Variants in CNTLN observed in about 807,000 individuals in gnomAD.
CNTLN encodes centlein, also known as centlein, centrosomal protein.
CNTLN carries 212 observed loss-of-function variants against 180.0 expected under a neutral mutation model. The observed-to-expected ratio is 1.18, with a 90% CI of 1.05 to 1.32. The LOEUF (loss-of-function observed/expected upper bound fraction) is 1.32, where lower values mean the gene tolerates loss of function less well. Ranked by LOEUF, CNTLN falls within the 40% of genes most tolerant of loss-of-function variation. The pLI is 0.00. For synonymous variants in CNTLN, 722 were observed against 563.1 expected, an observed-to-expected ratio of 1.28 and a Z score of -3.99; for missense variants, 2,095 against 1,610.9, an observed-to-expected ratio of 1.30 and a Z score of -5.14.
chr9:17,226,565 C>T (rs189972809), intron 3 of CNTLN, among the ~76,000 whole-genome samples: 3 of 151,878 alleles, frequency 2.0e-5, no homozygotes, highest in Admixed American at 2.0e-4. Context: ...TGAATTTTGA[C>T]ATTATTAGCA....
At chr9:17,225,879 G>A (rs937681516) in intron 2 of CNTLN, among the ~76,000 whole-genome samples, 2 of 151,828 alleles carry the variant, frequency 1.3e-5, no homozygotes. Context: ...TAATATAATT[G>A]TGTATATGAA....
At chr9:17,382,480 TAAAGGCA>T (rs985076825) in intron 13 of CNTLN, among the ~76,000 whole-genome samples, 1 of 152,172 alleles carries the variant, frequency 6.6e-6, no homozygotes, top group African/African-American at 2.4e-5. Flanking sequence ...TTTTCTCCAA[TAAAGGCA>T]AAAACTTTTC....
At chr9:17,359,472 A>G (rs923739635) in intron 12 of CNTLN, among the ~76,000 whole-genome samples, 1 of 152,042 alleles carries the variant, frequency 6.6e-6, no homozygotes, top group African/African-American at 2.4e-5. Flanking sequence ...TTCAGTATAT[A>G]TGTCCAGGAA....
chr9:17,375,289 A>G (rs1332848871), intron 13 of CNTLN, among the ~76,000 whole-genome samples: 1 of 152,198 alleles, frequency 6.6e-6, no homozygotes, highest in African/African-American at 2.4e-5. Flanking sequence ...AGTTGGAGGA[A>G]GTGGGAATAA....
intron 5 of CNTLN, among the ~76,000 whole-genome samples, chr9:17,262,352 A>G (rs925157359): frequency 6.6e-6 from 1 of 151,540 alleles, no homozygotes; most frequent in Non-Finnish European, 1.5e-5. Flanking sequence ...TAGACTGGAT[A>G]AAGAAAATGT....
At chr9:17,178,252 G>A (rs574558074) in intron 2 of CNTLN, among the ~76,000 whole-genome samples, 4 of 152,306 alleles carry the variant, frequency 2.6e-5, no homozygotes, top group Admixed American at 2.6e-4. Context: ...CAAACCTTGA[G>A]CTAGATTCAG....
chr9:17,513,294 CA>C, the CNTLN span, among the ~76,000 whole-genome samples: 3 of 149,304 alleles, frequency 2.0e-5, no homozygotes, highest in African/African-American at 7.4e-5. Flanking sequence ...TTTTTTAATC[CA>C]AAAACCTATG....
chr9:17,473,358 A>G (rs1255896713), intron 23 of CNTLN, among the ~76,000 whole-genome samples: 1 of 151,560 alleles, frequency 6.6e-6, no homozygotes, highest in Non-Finnish European at 1.5e-5. Context: ...CCTTTTTTTC[A>G]TTACCTTTAT....
intron 7 of CNTLN, among the ~76,000 whole-genome samples, chr9:17,307,318 G>C (rs1587601438): frequency 6.6e-6 from 1 of 151,962 alleles, no homozygotes; most frequent in South Asian, 2.1e-4. Context: ...ACCCAGACTG[G>C]AGTGCAGTGG....
In CNTLN at chr9:17,301,715, AT is replaced by A. The variant is rs1563975832; in HGVS notation, c.1146+3366del. ...GACTCAATTTGAAAATATTCTTCTT[AT>A]TTATTTATTCTTTATAAATTTTGTC... On this transcript the variant is annotated intron_variant, in intron 7 of 25. Coordinates refer to ENST00000380647, the MANE Select transcript of CNTLN (RefSeq NM_017738.4). 4.8e-4 allele frequency: 458 copies of A among 945,640 alleles called. 4 individuals carry two copies. The African/African-American group carries it at 7.5e-3, about 16-fold the overall frequency. 58.6% of individuals were successfully genotyped at this position (945,640 alleles called of 1,614,324 possible).
chr9:17,367,752 C>T (rs909950610), intron 13 of CNTLN, among the ~76,000 whole-genome samples: 7 of 152,210 alleles, frequency 4.6e-5, no homozygotes, highest in African/African-American at 9.6e-5. Flanking sequence ...GGGCTAGAAG[C>T]GAACCTGGTG....
Position 17,214,678 on chromosome 9 carries a change from A to G in CNTLN, c.450-11525A>G, listed in dbSNP as rs1219764033. On this transcript the variant is annotated intron_variant, in intron 2 of 25. Coordinates refer to ENST00000380647, the MANE Select transcript of CNTLN (RefSeq NM_017738.4). Reference sequence around the variant, plus strand: ...CCATCTTGGTTCCATTGTCCCCATCATTTTCAGGTACACCAATTAGATGTA... The same window carrying G: ...CCATCTTGGTTCCATTGTCCCCATCGTTTTCAGGTACACCAATTAGATGTA... Among the ~76,000 whole-genome samples the G allele has an allele frequency of 3.3e-5, 5 of 152,080 alleles. No homozygotes were observed. In the East Asian group the frequency reaches 9.6e-4, roughly 29 times the overall value.
At chr9:17,356,071 A>AG (rs2133341146) in intron 12 of CNTLN, among the ~76,000 whole-genome samples, 1 of 109,336 alleles carries the variant, frequency 9.1e-6, no homozygotes, top group Non-Finnish European at 1.9e-5. Context: ...CTCAAAAAAA[A>AG]AAAAAAAAAA....
At chr9:17,494,408 G>T (rs1833334865) in intron 25 of CNTLN, among the ~76,000 whole-genome samples, 1 of 152,030 alleles carries the variant, frequency 6.6e-6, no homozygotes, top group African/African-American at 2.4e-5. Context: ...TACATGTGCA[G>T]GTTGTTATAT....
intron 2 of CNTLN, among the ~76,000 whole-genome samples, chr9:17,214,000 C>G (rs1823534690): frequency 6.6e-6 from 1 of 152,126 alleles, no homozygotes; most frequent in African/African-American, 2.4e-5. Context: ...GGTCTTGACT[C>G]TTTATCCAAT....
At chr9:17,186,190 G>A (rs557385368) in intron 2 of CNTLN, among the ~76,000 whole-genome samples, 1 of 152,124 alleles carries the variant, frequency 6.6e-6, no homozygotes. Flanking sequence ...TCTGCCACAT[G>A]TTCATGCACA....
intron 10 of CNTLN, among the ~76,000 whole-genome samples, chr9:17,336,594 T>C (rs1204471949): frequency 6.6e-6 from 1 of 152,248 alleles, no homozygotes; most frequent in Non-Finnish European, 1.5e-5. Context: ...AGTTGAATTT[T>C]ATTTTTAATA....
chr9:17,469,851 C>G (rs1831960642), intron 23 of CNTLN, among the ~76,000 whole-genome samples: 1 of 151,930 alleles, frequency 6.6e-6, no homozygotes, highest in African/African-American at 2.4e-5. Flanking sequence ...TACTGGCTCT[C>G]TGACTTCAGG....
chr9:17,445,008 T>A (rs930444905), intron 18 of CNTLN, among the ~76,000 whole-genome samples: 2 of 152,188 alleles, frequency 1.3e-5, no homozygotes, highest in East Asian at 3.8e-4. Flanking sequence ...AATTTTTACA[T>A]ATGTTGGTCC....
Sources: allele counts gnomAD v4.1 joint callset (sites outside exome capture counted in the v4.1 genomes callset), GRCh38; gene constraint gnomAD v4.1.1; transcripts MANE v1.5; gene names NCBI Gene and HGNC (gene_info 2026-07-23, HGNC 2026-07-21).